Variants in ETV6 observed in about 807,000 individuals in gnomAD.
The protein encoded by ETV6 is ETS variant transcription factor 6.
A neutral mutation model predicts 51.1 loss-of-function variants in ETV6; 16 were observed. That is an observed-to-expected ratio of 0.31 (90% CI 0.21 to 0.48). The LOEUF is 0.48. Ranked by LOEUF, ETV6 falls within the 20% of genes least tolerant of loss-of-function variation. The pLI is 0.99. For synonymous variants in ETV6, 240 were observed against 224.1 expected, an observed-to-expected ratio of 1.07 and a Z score of -0.64; for missense variants, 458 against 594.8, an observed-to-expected ratio of 0.77 and a Z score of 2.39.
intron 1 of ETV6, among the ~76,000 whole-genome samples, chr12:11,683,224 A>C (rs527787157): frequency 3.3e-5 from 5 of 152,240 alleles, no homozygotes; most frequent in Admixed American, 3.3e-4. Context: ...TTGTATTTTT[A>C]GTAGAGACGG....
chr12:11,870,100 T>G, intron 5 of ETV6, 131 bp downstream of exon 5: 1 of 1,026,964 alleles, frequency 9.7e-7, no homozygotes, highest in Non-Finnish European at 1.4e-6. Context: ...TGAGGGCAAT[T>G]GGAGGCTTCT....
intron 4 of ETV6, among the ~76,000 whole-genome samples, chr12:11,868,276 A>C (rs531510905): frequency 6.6e-6 from 1 of 152,172 alleles, no homozygotes; most frequent in East Asian, 1.9e-4. Flanking sequence ...ATCTGACTGG[A>C]GTCTGGTTCT....
intron 2 of ETV6, among the ~76,000 whole-genome samples, chr12:11,785,225 C>T (rs1945469070): frequency 6.6e-6 from 1 of 152,022 alleles, no homozygotes; most frequent in Non-Finnish European, 1.5e-5. Flanking sequence ...CATGTTCCTA[C>T]CTCAGGCCTT....
rs1286585533 is a variant in ETV6, at chr12:11,773,136, G to A, written c.163+20557G>A. On this transcript the variant is annotated intron_variant, in intron 2 of 7. Transcript: ENST00000396373. ...GTGAACCCGGGAGGCAGAGCTTGCCGTGAGCCGAGATTGCACCACTACATT... is the reference window on the plus strand; with the variant it reads ...GTGAACCCGGGAGGCAGAGCTTGCCATGAGCCGAGATTGCACCACTACATT... Among the ~76,000 whole-genome samples the A allele has an allele frequency of 4.6e-5, 7 of 150,770 alleles. No homozygotes were observed. The South Asian group carries it at 6.3e-4, about 14-fold the overall frequency.
chr12:11,658,150 A>G (rs1864036188), intron 1 of ETV6, among the ~76,000 whole-genome samples: 1 of 152,194 alleles, frequency 6.6e-6, no homozygotes, highest in African/African-American at 2.4e-5. Context: ...CATCCTCCAT[A>G]ACACATGGAT....
chr12:11,855,182 T>C (rs1183497530), intron 4 of ETV6, among the ~76,000 whole-genome samples: 1 of 150,280 alleles, frequency 6.7e-6, no homozygotes, highest in East Asian at 2.0e-4. Context: ...GGCAGGCGCC[T>C]GTAGTCCCAG....
chr12:11,868,633 C>A (rs1946827115), intron 4 of ETV6, among the ~76,000 whole-genome samples: 1 of 151,326 alleles, frequency 6.6e-6, no homozygotes, highest in Non-Finnish European at 1.5e-5. Context: ...ACAGTGAAAT[C>A]CAGCATCTAA....
intron 2 of ETV6, among the ~76,000 whole-genome samples, chr12:11,817,051 C>T (rs142182152): frequency 1.7e-4 from 26 of 152,272 alleles, no homozygotes; most frequent in Middle Eastern, 3.4e-3. Context: ...GGTGAGGGAA[C>T]CCGAACTTTA....
chr12:11,724,232 C>A (rs1400132878), intron 1 of ETV6, among the ~76,000 whole-genome samples: 1 of 152,176 alleles, frequency 6.6e-6, no homozygotes, highest in Non-Finnish European at 1.5e-5. Context: ...ACTTTTGCAC[C>A]ATTGATGTGG....
intron 5 of ETV6, among the ~76,000 whole-genome samples, chr12:11,881,886 G>A (rs1390597323): frequency 2.0e-5 from 3 of 152,196 alleles, no homozygotes; most frequent in Non-Finnish European, 4.4e-5. Context: ...GTCTGCAGTA[G>A]GACACTGATT....
intron 2 of ETV6, among the ~76,000 whole-genome samples, chr12:11,771,201 G>C (rs1945238047): frequency 6.6e-6 from 1 of 152,214 alleles, no homozygotes; most frequent in African/African-American, 2.4e-5. Flanking sequence ...ATATCAATAA[G>C]AGGTAGGGTA....
In ETV6 at chr12:11,887,761, A is replaced by G. The variant is rs186053875; in HGVS notation, c.1253+1735A>G. Among the ~76,000 whole-genome samples the G allele has an allele frequency of 7.8e-3, 1,186 of 151,774 alleles. 19 individuals are homozygous for G. Among genetic ancestry groups the G allele is most frequent in the African/African-American group, 0.026 (1,085 of 41,390 alleles). Reference sequence around the variant, plus strand: ...GACTCCATCTCAAGAAAAAAAAAAAAAAAAGAAAAGAAATTCCACCCAGAA... The same window carrying G: ...GACTCCATCTCAAGAAAAAAAAAAAGAAAAGAAAAGAAATTCCACCCAGAA... On this transcript the variant is annotated intron_variant, in intron 7 of 7. Transcript: ENST00000396373.
intron 1 of ETV6, among the ~76,000 whole-genome samples, chr12:11,729,893 G>A (rs1865561157): frequency 6.6e-6 from 1 of 152,198 alleles, no homozygotes; most frequent in South Asian, 2.1e-4. Context: ...AGGTAGACCA[G>A]CTGTCCTGGG....
chr12:11,887,463 C>T (rs1330863717), intron 7 of ETV6, among the ~76,000 whole-genome samples: 1 of 151,998 alleles, frequency 6.6e-6, no homozygotes, highest in African/African-American at 2.4e-5. Flanking sequence ...GAAATTCCAC[C>T]CAGAGGCCGG....
intron 5 of ETV6, among the ~76,000 whole-genome samples, chr12:11,871,785 G>A (rs1404544100): frequency 6.6e-6 from 1 of 152,196 alleles, no homozygotes; most frequent in Non-Finnish European, 1.5e-5. Context: ...ATGTCTGGGT[G>A]ATAGATGCAT....
chr12:11,784,324 G>T (rs1259428796), intron 2 of ETV6, among the ~76,000 whole-genome samples: 2 of 152,082 alleles, frequency 1.3e-5, no homozygotes, highest in Non-Finnish European at 2.9e-5. Flanking sequence ...CTACTCAGGA[G>T]GCTAAGGCAG....
At chr12:11,736,987 TC>T (rs923012328) in intron 1 of ETV6, among the ~76,000 whole-genome samples, 2 of 152,132 alleles carry the variant, frequency 1.3e-5, no homozygotes, top group African/African-American at 4.8e-5. Context: ...GCAGACAAGG[TC>T]CCTGTGCCTG....
intron 2 of ETV6, among the ~76,000 whole-genome samples, chr12:11,815,664 A>G (rs1213219955): frequency 6.6e-6 from 1 of 152,194 alleles, no homozygotes; most frequent in Non-Finnish European, 1.5e-5. Context: ...CACTTTGCAA[A>G]CTGTGGAGTA....
chr12:11,712,136 C>A (rs1325517749), intron 1 of ETV6, among the ~76,000 whole-genome samples: 1 of 152,162 alleles, frequency 6.6e-6, no homozygotes, highest in Non-Finnish European at 1.5e-5. Flanking sequence ...CCCTTCACCC[C>A]CCCATCTTAC....
Sources: gnomAD v4.1 joint callset for allele counts (sites outside exome capture counted in the v4.1 genomes callset) on GRCh38, gnomAD v4.1.1 for gene constraint, MANE v1.5 for transcripts, NCBI Gene and HGNC (gene_info 2026-07-23, HGNC 2026-07-21) for gene names.